The following ATRN variants were observed in gnomAD, a reference collection of about 807,000 sequenced individuals.
The protein encoded by ATRN is attractin-2.
A neutral mutation model predicts 178.7 loss-of-function variants in ATRN; 54 were observed. That is an observed-to-expected ratio of 0.30 (90% CI 0.24 to 0.38). The LOEUF is 0.38. Ranked by LOEUF, ATRN falls within the 10% of genes least tolerant of loss-of-function variation. ATRN has a pLI of 1.00. For missense variants in ATRN, 1,443 were observed against 1,815.1 expected (o/e 0.79, Z 3.73); for synonymous variants, 636 against 663.0 (o/e 0.96, Z 0.63).
chr20:3,568,620 A>G (rs1437383981), intron 11 of ATRN, among the ~76,000 whole-genome samples: 2 of 152,250 alleles, frequency 1.3e-5, no homozygotes. Flanking sequence ...TAGGGGAAAT[A>G]CAGGGTTATG....
At position 3,650,626 on chromosome 20, in the gene ATRN, A is replaced by G. The variant is rs143990542; in HGVS notation, c.*3779A>G. ...AGATATTGCCCCTTGATGAGAGTCA[A>G]ACACCCTGCCTACAAGGAGATGTTT... On this transcript the variant is annotated 3_prime_UTR_variant, in exon 29 of 29. Coordinates refer to ENST00000262919, the MANE Select transcript of ATRN (RefSeq NM_139321.3). The G allele has an allele frequency of 9.6e-4, 146 of 152,486 alleles. No individual in the cohort carries two copies. Among genetic ancestry groups the G allele is most frequent in the African/African-American group, 3.3e-3 (139 of 41,586 alleles). 9.4% of individuals were successfully genotyped at this position (152,486 alleles called of 1,614,324 possible).
intron 1 of ATRN, among the ~76,000 whole-genome samples, chr20:3,480,779 C>T (rs979180860): frequency 3.3e-5 from 5 of 152,116 alleles, no homozygotes; most frequent in Admixed American, 3.3e-4. Flanking sequence ...TGTTTATGAT[C>T]AGAACAGTTT....
chr20:3,642,542 A>G (rs1174938060), intron 27 of ATRN, among the ~76,000 whole-genome samples: 1 of 152,082 alleles, frequency 6.6e-6, no homozygotes, highest in Admixed American at 6.5e-5. Context: ...ACTGTGTCCC[A>G]TCTCTGCCAC....
chr20:3,525,230 C>A (rs1263374460), intron 1 of ATRN, among the ~76,000 whole-genome samples: 3 of 151,978 alleles, frequency 2.0e-5, no homozygotes, highest in African/African-American at 7.3e-5. Context: ...ACCACTGATC[C>A]CAAAGAAATA....
intron 15 of ATRN, 112 bp downstream of exon 15, chr20:3,578,884 A>C: frequency 9.7e-7 from 1 of 1,033,336 alleles, no homozygotes; most frequent in African/African-American, 1.6e-5. Context: ...CTTGGCAAGA[A>C]GGGGAGTGCT....
chr20:3,649,859 GA>G lies in ATRN; in HGVS notation c.*3016del, dbSNP rs2087133697. 6.6e-6 allele frequency: 1 copy of G among 152,152 alleles called. No individual in the cohort carries two copies. Among genetic ancestry groups the G allele is most frequent in the East Asian group, 1.9e-4 (1 of 5,198 alleles). The allele number at this position is 152,152 out of a possible 1,614,324, so 9.4% of individuals were successfully genotyped here. A position where few individuals can be genotyped will look rare whatever the true frequency, so the allele number is the denominator to read the frequency against. ...TTTCCTGGAATCAGTTTATTATACT[GA>G]AAACTGGGGGTGGGAGTAGGGAGCT... On this transcript the variant is annotated 3_prime_UTR_variant, in exon 29 of 29. Coordinates refer to ENST00000262919, the MANE Select transcript of ATRN (RefSeq NM_139321.3).
At chr20:3,516,230 G>A (rs74376692) in intron 1 of ATRN, among the ~76,000 whole-genome samples, 1,898 of 152,258 alleles carry the variant, frequency 0.012, 34 homozygotes, top group African/African-American at 0.043. Flanking sequence ...CCCACAGTGC[G>A]GAGAGTCTGT....
At chr20:3,509,837 A>C (rs1346104242) in intron 1 of ATRN, among the ~76,000 whole-genome samples, 1 of 152,198 alleles carries the variant, frequency 6.6e-6, no homozygotes. Context: ...TTTTAAGCTC[A>C]CAGAAAAGTG....
At chr20:3,535,862 T>G (rs1197090763) in intron 2 of ATRN, among the ~76,000 whole-genome samples, 1 of 152,082 alleles carries the variant, frequency 6.6e-6, no homozygotes, top group Non-Finnish European at 1.5e-5. Flanking sequence ...ACTCCTGACC[T>G]CAAGTGATCC....
chr20:3,611,061 G>A (rs1040456253), intron 24 of ATRN, among the ~76,000 whole-genome samples: 1 of 152,088 alleles, frequency 6.6e-6, no homozygotes, highest in African/African-American at 2.4e-5. Flanking sequence ...AGATCTAAAT[G>A]TAAAACATAA....
At chr20:3,500,274 G>A (rs1162636571) in intron 1 of ATRN, among the ~76,000 whole-genome samples, 2 of 152,182 alleles carry the variant, frequency 1.3e-5, no homozygotes, top group African/African-American at 2.4e-5. Context: ...AAGTCAGTAT[G>A]GTGATTCCTC....
At chr20:3,476,071 G>C (rs2084525280) in intron 1 of ATRN, among the ~76,000 whole-genome samples, 1 of 152,234 alleles carries the variant, frequency 6.6e-6, no homozygotes. Flanking sequence ...CTTGAGCCCA[G>C]GAGGTTGAGG....
chr20:3,637,801 G>GTA (rs2087037139), intron 26 of ATRN, among the ~76,000 whole-genome samples: 1 of 152,196 alleles, frequency 6.6e-6, no homozygotes, highest in African/African-American at 2.4e-5. Context: ...TCACACAGCT[G>GTA]TAGACTATTG....
At chr20:3,534,520 G>A (rs113757981) in intron 1 of ATRN, among the ~76,000 whole-genome samples, 1 of 152,158 alleles carries the variant, frequency 6.6e-6, no homozygotes, top group African/African-American at 2.4e-5. Context: ...TGCATTAGGA[G>A]TAGCTGGGAG....
At chr20:3,499,201 AG>A (rs1329334126) in intron 1 of ATRN, among the ~76,000 whole-genome samples, 10 of 102,568 alleles carry the variant, frequency 9.7e-5, no homozygotes, top group Admixed American at 7.8e-4. Flanking sequence ...AACAAATGGA[AG>A]AACATTCCAT....
At chr20:3,544,039 G>A (rs1484490340) in intron 3 of ATRN, among the ~76,000 whole-genome samples, 1 of 152,072 alleles carries the variant, frequency 6.6e-6, no homozygotes, top group African/African-American at 2.4e-5. Flanking sequence ...CTAGACCTTG[G>A]GTGAGACCTT....
chr20:3,474,569 T>C (rs1031683677), intron 1 of ATRN, among the ~76,000 whole-genome samples: 13 of 151,478 alleles, frequency 8.6e-5, no homozygotes, highest in Non-Finnish European at 8.8e-5. Context: ...TAGCCGGGCG[T>C]GGTGGCGGGC....
chr20:3,570,214 G>A (rs1314966390), intron 11 of ATRN, among the ~76,000 whole-genome samples: 1 of 151,866 alleles, frequency 6.6e-6, no homozygotes, highest in African/African-American at 2.4e-5. Flanking sequence ...TGGTTAAAAT[G>A]TCTCTGAAGT....
At chr20:3,573,281 A>G (rs2086154291) in intron 12 of ATRN, among the ~76,000 whole-genome samples, 2 of 152,148 alleles carry the variant, frequency 1.3e-5, no homozygotes, top group Admixed American at 6.5e-5. Context: ...GATGATGGAA[A>G]TGTTGTGTGT....
Sources: allele counts gnomAD v4.1 joint callset (sites outside exome capture counted in the v4.1 genomes callset), GRCh38; gene constraint gnomAD v4.1.1; transcripts MANE v1.5; gene names NCBI Gene and HGNC (gene_info 2026-07-23, HGNC 2026-07-21).